RGMA: variants seen among roughly 807,000 people sequenced by gnomAD.
RGMA encodes repulsive guidance molecule A.
RGMA carries 10 observed loss-of-function variants against 23.2 expected under a neutral mutation model. That is an observed-to-expected ratio of 0.43 (90% confidence interval 0.27 to 0.73). The LOEUF (loss-of-function observed/expected upper bound fraction) is 0.73, where lower values mean the gene tolerates loss of function less well. Among genes scored for constraint, RGMA ranks in the 30% least tolerant of loss-of-function variants. The probability of loss-of-function intolerance (pLI) is 0.20; values close to 1 mark genes in which losing one functional copy is unlikely to be tolerated. For synonymous variants in RGMA, 308 were observed against 279.3 expected (o/e 1.10, Z -1.03); for missense variants, 547 against 630.5 (o/e 0.87, Z 1.42).
At chr15:93,047,968 G>A (rs2054852389) in intron 3 of RGMA, among the ~76,000 whole-genome samples, 1 of 152,166 alleles carries the variant, frequency 6.6e-6, no homozygotes, top group Admixed American at 6.5e-5. Flanking sequence ...GGTCTGGCCA[G>A]GAATGCAGCA....
chr15:93,050,362 C>T (rs1211883539), intron 3 of RGMA, among the ~76,000 whole-genome samples: 1 of 152,222 alleles, frequency 6.6e-6, no homozygotes, highest in African/African-American at 2.4e-5. Flanking sequence ...CACCGGGGGA[C>T]CACAATACCC....
At chr15:93,062,176 C>A (rs1337574749) in intron 2 of RGMA, among the ~76,000 whole-genome samples, 1 of 152,156 alleles carries the variant, frequency 6.6e-6, no homozygotes, top group African/African-American at 2.4e-5. Context: ...CTGTGGCCTG[C>A]GTGGGAACTG....
In RGMA at chr15:93,045,730, A is replaced by G. The variant is rs1179195349; in HGVS notation, c.646-25T>C. 2 of 1,559,838 alleles carry G rather than the reference A, an allele frequency of 1.3e-6. No individual in the cohort carries two copies. Among genetic ancestry groups the G allele is most frequent in the East Asian group, 4.5e-5 (2 of 44,622 alleles). On this transcript the variant is annotated intron_variant, in intron 3 of 3. Transcript: ENST00000329082. This position sits in a 1 kb window ranked among gnomAD's most constrained non-coding sequence, Gnocchi z 6.9. Reference sequence around the variant, plus strand: ...GCTGCCGGGGAAAGGGGCAGAGGAGAGTGGGTGAGGCACAGTGGGAGGAGG... The same window carrying G: ...GCTGCCGGGGAAAGGGGCAGAGGAGGGTGGGTGAGGCACAGTGGGAGGAGG...
chr15:93,088,512 G>A (rs1596111142), intron 1 of RGMA: 1 of 995,998 alleles, frequency 1.0e-6, no homozygotes, highest in South Asian at 4.6e-5. Context: ...GCAGCCGGGC[G>A]TCGAGCGGGA....
intron 2 of RGMA, among the ~76,000 whole-genome samples, chr15:93,053,549 T>C (rs973126837): frequency 6.6e-6 from 1 of 152,258 alleles, no homozygotes; most frequent in Admixed American, 6.5e-5. Flanking sequence ...AAAGGTCAGT[T>C]TGTGTCTCTG....
At position 93,067,568 on chromosome 15, in the gene RGMA, G is replaced by GCA. The variant is rs1895197506; in HGVS notation, c.130+5346_130+5347dup. Among the ~76,000 whole-genome samples the GCA allele has an allele frequency of 2.0e-5, 3 of 152,272 alleles. No homozygotes were observed. In the South Asian group the frequency reaches 6.2e-4, roughly 32 times the overall value. ...GGTGTCCCCGGCGTCGGGGGGGTCTGCACTGGACCCCTGTAGACGGCACTG... is the reference window on the plus strand; with the variant it reads ...GGTGTCCCCGGCGTCGGGGGGGTCTGCACACTGGACCCCTGTAGACGGCACTG... On this transcript the variant is annotated intron_variant, in intron 2 of 3. Coordinates refer to ENST00000329082, the MANE Select transcript of RGMA (RefSeq NM_020211.3).
chr15:93,049,008 A>G (rs2054874335), intron 3 of RGMA, among the ~76,000 whole-genome samples: 1 of 152,250 alleles, frequency 6.6e-6, no homozygotes, highest in African/African-American at 2.4e-5. Context: ...GCCTCCTGGA[A>G]GGCTGACAGG....
intron 2 of RGMA, among the ~76,000 whole-genome samples, chr15:93,060,622 G>A (rs1219317952): frequency 6.6e-6 from 1 of 152,220 alleles, no homozygotes; most frequent in East Asian, 1.9e-4. Context: ...AGCAATCCAG[G>A]CCAGAGCTCA....
intron 2 of RGMA, among the ~76,000 whole-genome samples, chr15:93,065,236 T>G (rs1214034988): frequency 6.6e-6 from 1 of 151,998 alleles, no homozygotes; most frequent in Non-Finnish European, 1.5e-5. Flanking sequence ...TAAAATGGCT[T>G]CAGAGGTTGG....
chr15:93,057,591 G>A (rs2055035205), intron 2 of RGMA, among the ~76,000 whole-genome samples: 1 of 152,138 alleles, frequency 6.6e-6, no homozygotes, highest in Non-Finnish European at 1.5e-5. Context: ...CTAGGCTGGG[G>A]TATTTTCTTA....
rs936535517 is a variant in RGMA at position 93,041,032 on chromosome 15, G to C, written c.*3966C>G. Reference sequence around the variant, plus strand: ...TTGACGCCAAGTTTGCCTGCAGCCCGAGCCCAAGTGCCACCCCTGCTCCAT... The same window carrying C: ...TTGACGCCAAGTTTGCCTGCAGCCCCAGCCCAAGTGCCACCCCTGCTCCAT... On this transcript the variant is annotated 3_prime_UTR_variant, in exon 4 of 4. Coordinates refer to ENST00000329082, the MANE Select transcript of RGMA (RefSeq NM_020211.3). The C allele has an allele frequency of 2.0e-5, 3 of 152,144 alleles. No individual in the cohort carries two copies. Among genetic ancestry groups the C allele is most frequent in the African/African-American group, 7.2e-5 (3 of 41,408 alleles). 9.4% of individuals were successfully genotyped at this position (152,144 alleles called of 1,614,324 possible). A position where few individuals can be genotyped will look rare whatever the true frequency, so the allele number is the denominator to read the frequency against.
At chr15:93,050,999 C>A (rs1439698096) in intron 3 of RGMA, among the ~76,000 whole-genome samples, 1 of 152,154 alleles carries the variant, frequency 6.6e-6, no homozygotes, top group Non-Finnish European at 1.5e-5. Context: ...GCTGCGGGGG[C>A]ACAGGGTGGA....
intron 2 of RGMA, chr15:93,066,318 C>T (rs1367074585): frequency 8.1e-6 from 7 of 864,180 alleles, no homozygotes; most frequent in South Asian, 4.0e-5. Flanking sequence ...GTAACCATTC[C>T]GGACGTTGAA....
intron 2 of RGMA, among the ~76,000 whole-genome samples, chr15:93,067,810 C>G (rs1895204837): frequency 6.6e-6 from 1 of 152,174 alleles, no homozygotes; most frequent in Admixed American, 6.5e-5. Flanking sequence ...CATGAGCAGC[C>G]ATGAGCTCCT....
intron 1 of RGMA, among the ~76,000 whole-genome samples, chr15:93,075,227 T>C (rs1293405218): frequency 6.6e-6 from 1 of 152,016 alleles, no homozygotes; most frequent in Non-Finnish European, 1.5e-5. Flanking sequence ...AAAGAAAGGA[T>C]AACTAAATAA....
chr15:93,065,980 T>C, intron 2 of RGMA: 1 of 1,130,264 alleles, frequency 8.8e-7, no homozygotes, highest in Non-Finnish European at 1.3e-6. Context: ...TCTGGGCCGC[T>C]GCGCGGAGTC....
chr15:93,087,620 G>C (rs762223578), intron 1 of RGMA, among the ~76,000 whole-genome samples: 5 of 152,138 alleles, frequency 3.3e-5, no homozygotes, highest in Non-Finnish European at 7.3e-5. Flanking sequence ...ATCCACCCAA[G>C]AAATCACCCG....
At position 93,036,477 on chromosome 15, in the gene RGMA, G is replaced by A. The variant is rs1296060902; in HGVS notation, c.*8521C>T. On this transcript the variant is annotated 3_prime_UTR_variant, in exon 4 of 4. Transcript: ENST00000329082. ...GCTCCACCCTGGGGAGGGACCCCTG[G>A]CCCCGCAGACCTGGTCCCTGGTGGT... The A allele has an allele frequency of 2.0e-5, 3 of 152,332 alleles. No homozygotes were observed. Among genetic ancestry groups the A allele is most frequent in the Non-Finnish European group, 2.9e-5 (2 of 68,120 alleles). 9.4% of individuals were successfully genotyped at this position (152,332 alleles called of 1,614,324 possible).
chr15:93,048,198 A>G (rs1278378323), intron 3 of RGMA, among the ~76,000 whole-genome samples: 2 of 152,124 alleles, frequency 1.3e-5, no homozygotes, highest in Admixed American at 1.3e-4. Context: ...GGTTCCCCAT[A>G]TTGGCATAAG....
Sources: gnomAD v4.1 joint callset for allele counts (sites outside exome capture counted in the v4.1 genomes callset) on GRCh38, gnomAD v4.1.1 for gene constraint, Gnocchi (gnomAD v3.1) non-coding constraint, MANE v1.5 for transcripts, NCBI Gene and HGNC (gene_info 2026-07-23, HGNC 2026-07-21) for gene names.